Variants in SPRR2G observed in about 807,000 individuals in gnomAD.
The protein encoded by SPRR2G is small proline rich protein 2G.
Under a neutral mutation model 0.7 loss-of-function variants are expected in SPRR2G, and 1 was observed. That is an observed-to-expected ratio of 1.49 (90% CI 0.53 to 7.06). The LOEUF (loss-of-function observed/expected upper bound fraction) is 7.06. Among genes scored for constraint, SPRR2G ranks in the 30% most tolerant of loss-of-function variants. The probability of loss-of-function intolerance (pLI) is 0.14; values close to 1 mark genes in which losing one functional copy is unlikely to be tolerated. For missense variants in SPRR2G, 96 were observed against 88.5 expected, an observed-to-expected ratio of 1.09 and a Z score of -0.34; for synonymous variants, 38 against 33.9, an observed-to-expected ratio of 1.12 and a Z score of -0.42.
the SPRR2G span, among the ~76,000 whole-genome samples, chr1:153,186,565 A>T: frequency 6.6e-6 from 1 of 150,626 alleles, no homozygotes; most frequent in African/African-American, 2.4e-5. Context: ...TATTTGCTAC[A>T]TCCCTTTATT....
the SPRR2G span, among the ~76,000 whole-genome samples, chr1:153,158,483 C>T: frequency 2.0e-4 from 30 of 152,344 alleles, no homozygotes; most frequent in East Asian, 2.7e-3. Context: ...CAGCTCTGCC[C>T]CTGTGGCTCT....
At chr1:153,175,600 C>T in the SPRR2G span, among the ~76,000 whole-genome samples, 1 of 152,164 alleles carries the variant, frequency 6.6e-6, no homozygotes, top group Non-Finnish European at 1.5e-5. Context: ...GAGGTTAGTT[C>T]CCTGTTTTAT....
At chr1:153,166,311 G>C in the SPRR2G span, among the ~76,000 whole-genome samples, 7 of 152,150 alleles carry the variant, frequency 4.6e-5, no homozygotes, top group Non-Finnish European at 8.8e-5. Context: ...TAGTAGAGGG[G>C]AATGAAAGGT....
the SPRR2G span, among the ~76,000 whole-genome samples, chr1:153,162,254 T>G: frequency 5.3e-5 from 8 of 152,290 alleles, no homozygotes; most frequent in African/African-American, 1.9e-4. Context: ...TGAGAACACG[T>G]GGTATTTGGT....
At chr1:153,194,180 A>C in the SPRR2G span, among the ~76,000 whole-genome samples, 1 of 151,516 alleles carries the variant, frequency 6.6e-6, no homozygotes, top group Non-Finnish European at 1.5e-5. Context: ...TAACCTCCTG[A>C]AAAAAAAAGA....
At chr1:153,184,194 C>G in the SPRR2G span, among the ~76,000 whole-genome samples, 1 of 152,168 alleles carries the variant, frequency 6.6e-6, no homozygotes, top group Non-Finnish European at 1.5e-5. Context: ...ATTGTCTTGG[C>G]TATGTGGGCT....
At chr1:153,196,812 G>A in the SPRR2G span, among the ~76,000 whole-genome samples, 10 of 152,342 alleles carry the variant, frequency 6.6e-5, no homozygotes, top group Non-Finnish European at 1.2e-4. Context: ...CCTGCTGAGG[G>A]ATTTTCTCTT....
At chr1:153,168,540 A>G in the SPRR2G span, among the ~76,000 whole-genome samples, 1 of 152,214 alleles carries the variant, frequency 6.6e-6, no homozygotes, top group Non-Finnish European at 1.5e-5. Flanking sequence ...ATAGTTGCCA[A>G]TTATTAAGTG....
At chr1:153,181,190 T>C in the SPRR2G span, among the ~76,000 whole-genome samples, 1 of 152,206 alleles carries the variant, frequency 6.6e-6, no homozygotes, top group Non-Finnish European at 1.5e-5. Flanking sequence ...GATTAAGGAA[T>C]CTTTCCTATT....
At chr1:153,168,534 T>A in the SPRR2G span, among the ~76,000 whole-genome samples, 1 of 152,218 alleles carries the variant, frequency 6.6e-6, no homozygotes, top group African/African-American at 2.4e-5. Context: ...ATCATAATAG[T>A]TGCCAATTAT....
At chr1:153,173,911 A>G in the SPRR2G span, among the ~76,000 whole-genome samples, 1 of 152,200 alleles carries the variant, frequency 6.6e-6, no homozygotes, top group South Asian at 2.1e-4. Context: ...AGATTCTTTC[A>G]CACCATAAAG....
chr1:153,167,786 T>C, the SPRR2G span, among the ~76,000 whole-genome samples: 1 of 152,216 alleles, frequency 6.6e-6, no homozygotes, highest in African/African-American at 2.4e-5. Flanking sequence ...GGATCTTACC[T>C]GCTTCATTGT....
chr1:153,191,156 C>G, the SPRR2G span: 2 of 152,296 alleles, frequency 1.3e-5, no homozygotes, highest in Non-Finnish European at 2.9e-5. Flanking sequence ...AGACCCACCT[C>G]TACATGAGGC....
chr1:153,154,944 C>T (rs1656551680), upstream of SPRR2G, among the ~76,000 whole-genome samples: 3 of 152,104 alleles, frequency 2.0e-5, no homozygotes, highest in Non-Finnish European at 4.4e-5. Flanking sequence ...TGCTACATGT[C>T]ACAGTGCCAA....
the SPRR2G span, among the ~76,000 whole-genome samples, chr1:153,163,546 C>T: frequency 0.022 from 3,338 of 152,240 alleles, 106 homozygotes; most frequent in East Asian, 0.1. Flanking sequence ...GGGAGCAGTG[C>T]ATACCAATTC....
the SPRR2G span, among the ~76,000 whole-genome samples, chr1:153,170,172 T>C: frequency 6.6e-6 from 1 of 152,202 alleles, no homozygotes; most frequent in African/African-American, 2.4e-5. Flanking sequence ...TATTAGTCAG[T>C]GGGAGACTTA....
the SPRR2G span, among the ~76,000 whole-genome samples, chr1:153,195,808 C>G: frequency 1.3e-5 from 2 of 152,084 alleles, no homozygotes; most frequent in Admixed American, 6.5e-5. Flanking sequence ...CTCTATCTCA[C>G]TCATCACACA....
At chr1:153,175,394 C>T in the SPRR2G span, among the ~76,000 whole-genome samples, 12 of 152,260 alleles carry the variant, frequency 7.9e-5, 1 homozygote, top group African/African-American at 2.6e-4. Context: ...TGGCTGTTCC[C>T]GTAAGTCCAG....
the SPRR2G span, among the ~76,000 whole-genome samples, chr1:153,184,719 G>A: frequency 6.6e-6 from 1 of 152,064 alleles, no homozygotes; most frequent in Non-Finnish European, 1.5e-5. Flanking sequence ...TGATTGCCCT[G>A]GCCAGAACTT....
Sources: allele counts gnomAD v4.1 joint callset (sites outside exome capture counted in the v4.1 genomes callset), GRCh38; gene constraint gnomAD v4.1.1; transcripts MANE v1.5; gene names NCBI Gene and HGNC (gene_info 2026-07-23, HGNC 2026-07-21).